Variants in OSBPL1A observed in about 807,000 individuals in gnomAD.
OSBPL1A encodes oxysterol-binding protein-related protein 1.
In OSBPL1A, 80 loss-of-function variants were observed where a neutral mutation model predicts 137.1. The observed-to-expected ratio is 0.58, with a 90% CI of 0.49 to 0.70. The LOEUF is 0.70. Ranked by LOEUF, OSBPL1A falls within the 30% of genes least tolerant of loss-of-function variation. The pLI is 0.00. For missense variants in OSBPL1A, 970 were observed against 1,129.4 expected (o/e 0.86, Z 2.02); for synonymous variants, 365 against 389.7 (o/e 0.94, Z 0.75).
intron 13 of OSBPL1A, among the ~76,000 whole-genome samples, chr18:24,306,617 A>C (rs1219656010): frequency 6.6e-6 from 1 of 152,172 alleles, no homozygotes; most frequent in Non-Finnish European, 1.5e-5. Context: ...TCATTATATC[A>C]GTGTCATTAG....
intron 1 of OSBPL1A, among the ~76,000 whole-genome samples, chr18:24,393,511 G>A (rs1296260639): frequency 6.6e-6 from 1 of 152,032 alleles, no homozygotes; most frequent in Non-Finnish European, 1.5e-5. Context: ...GGAGTGCAGT[G>A]GCACGATCTC....
intron 2 of OSBPL1A, among the ~76,000 whole-genome samples, chr18:24,372,598 T>C (rs921354833): frequency 1.3e-5 from 2 of 152,172 alleles, no homozygotes; most frequent in Admixed American, 6.5e-5. Flanking sequence ...CACACTCAAT[T>C]AGCTCGACTG....
intron 15 of OSBPL1A, among the ~76,000 whole-genome samples, chr18:24,253,170 G>GA (rs1264149637): frequency 7.1e-6 from 1 of 141,570 alleles, no homozygotes; most frequent in South Asian, 2.6e-4. Flanking sequence ...GACATGGCGG[G>GA]GGGGGGCGCT....
intron 14 of OSBPL1A, among the ~76,000 whole-genome samples, chr18:24,283,964 G>A (rs1478359337): frequency 1.3e-5 from 2 of 151,442 alleles, no homozygotes; most frequent in Admixed American, 6.6e-5. Context: ...ATATGTGTGT[G>A]TATATATATA....
chr18:24,388,956 A>G (rs962320497), intron 1 of OSBPL1A, among the ~76,000 whole-genome samples: 4 of 152,216 alleles, frequency 2.6e-5, no homozygotes, highest in Non-Finnish European at 5.9e-5. Flanking sequence ...TAAAAGGTAC[A>G]TTTAGAAGAA....
At chr18:24,238,251 G>A (rs1472921864) in intron 16 of OSBPL1A, among the ~76,000 whole-genome samples, 1 of 152,108 alleles carries the variant, frequency 6.6e-6, no homozygotes, top group African/African-American at 2.4e-5. Flanking sequence ...CTGTGATCAA[G>A]TGTTGTGAAA....
chr18:24,218,666 G>A (rs1375662516), intron 17 of OSBPL1A, among the ~76,000 whole-genome samples: 1 of 151,812 alleles, frequency 6.6e-6, no homozygotes, highest in Non-Finnish European at 1.5e-5. Context: ...GGCTGGTCTC[G>A]AACTCCTGAC....
intron 21 of OSBPL1A, among the ~76,000 whole-genome samples, chr18:24,174,434 C>G (rs1398913100): frequency 6.6e-6 from 1 of 152,166 alleles, no homozygotes; most frequent in African/African-American, 2.4e-5. Flanking sequence ...ACTGACATGA[C>G]ACTCAAAGGA....
chr18:24,175,419 C>A (rs1312651751), intron 21 of OSBPL1A, among the ~76,000 whole-genome samples: 1 of 152,010 alleles, frequency 6.6e-6, no homozygotes, highest in Non-Finnish European at 1.5e-5. Context: ...AACTCCTGGG[C>A]TCAAGTGATC....
intron 12 of OSBPL1A, among the ~76,000 whole-genome samples, chr18:24,314,005 C>T (rs886275554): frequency 3.3e-5 from 5 of 152,064 alleles, no homozygotes; most frequent in South Asian, 2.1e-4. Flanking sequence ...CTCAGGAGGC[C>T]GAGGCATGAG....
intron 14 of OSBPL1A, among the ~76,000 whole-genome samples, chr18:24,299,921 A>T (rs1273055887): frequency 6.6e-6 from 1 of 152,204 alleles, no homozygotes; most frequent in Non-Finnish European, 1.5e-5. Flanking sequence ...ATCCTGAGTT[A>T]CTGTGATCAA....
rs550439239 is a variant in OSBPL1A, at chr18:24,374,898, T to C, written c.121+2515A>G. ...TGGCTGAGGACCCAAAGCCAAGTCA[T>C]AGATTCGAGGAAAACCTGCCTCTCC... On this transcript the variant is annotated intron_variant, in intron 2 of 27. Transcript: ENST00000319481. Among the ~76,000 whole-genome samples the C allele has an allele frequency of 2.5e-4, 38 of 152,156 alleles. No homozygotes were observed. In the South Asian group the frequency reaches 3.1e-3, roughly 12 times the overall value.
intron 1 of OSBPL1A, among the ~76,000 whole-genome samples, chr18:24,387,815 A>C (rs888256675): frequency 6.6e-6 from 1 of 151,568 alleles, no homozygotes; most frequent in African/African-American, 2.4e-5. Context: ...TGAGTATCTG[A>C]AACCTTAACC....
At chr18:24,273,486 T>G (rs1336417839) in intron 15 of OSBPL1A, among the ~76,000 whole-genome samples, 4 of 152,216 alleles carry the variant, frequency 2.6e-5, no homozygotes, top group African/African-American at 9.6e-5. Flanking sequence ...ATAGCACATA[T>G]ATGCGCTCAA....
At chr18:24,300,271 G>A (rs1204058361) in intron 14 of OSBPL1A, among the ~76,000 whole-genome samples, 5 of 152,194 alleles carry the variant, frequency 3.3e-5, no homozygotes, top group Non-Finnish European at 5.9e-5. Flanking sequence ...GTTTGGTCAA[G>A]GGTGTTTCTA....
intron 17 of OSBPL1A, among the ~76,000 whole-genome samples, chr18:24,220,075 G>C (rs1242720913): frequency 1.3e-5 from 2 of 152,152 alleles, no homozygotes; most frequent in African/African-American, 4.8e-5. Context: ...GTGGCCTGCT[G>C]GCTTTTAGTC....
intron 11 of OSBPL1A, among the ~76,000 whole-genome samples, chr18:24,314,991 C>T (rs1156328360): frequency 6.6e-6 from 1 of 152,158 alleles, no homozygotes; most frequent in Admixed American, 6.5e-5. Context: ...TAGATTTCTT[C>T]AAGACCCTAT....
intron 21 of OSBPL1A, among the ~76,000 whole-genome samples, chr18:24,175,444 T>TC (rs1258932523): frequency 6.6e-6 from 1 of 152,090 alleles, no homozygotes. Context: ...CACTTCAGCC[T>TC]CCCAAAGTGC....
chr18:24,171,331 C>G, intron 23 of OSBPL1A, 78 bp downstream of exon 23: 1 of 1,161,772 alleles, frequency 8.6e-7, no homozygotes, highest in Non-Finnish European at 1.3e-6. Flanking sequence ...TGTGCCCAGC[C>G]GACAATGTAT....
Sources: gnomAD v4.1 joint callset for allele counts (sites outside exome capture counted in the v4.1 genomes callset) on GRCh38, gnomAD v4.1.1 for gene constraint, MANE v1.5 for transcripts, NCBI Gene and HGNC (gene_info 2026-07-23, HGNC 2026-07-21) for gene names.